ZCCHC24: variants seen among roughly 807,000 people sequenced by gnomAD.
ZCCHC24 encodes zinc finger CCHC domain-containing protein 24.
Under a neutral mutation model 26.2 loss-of-function variants are expected in ZCCHC24, and 10 were observed. The ratio of observed to expected loss-of-function variants is 0.38; its 90% CI spans 0.24 to 0.65. ZCCHC24 has a LOEUF of 0.65. ZCCHC24 is among the 30% of genes least tolerant of loss of function. The pLI, the probability that ZCCHC24 is intolerant of heterozygous loss-of-function variation, is 0.54. For missense variants in ZCCHC24, 243 were observed against 329.1 expected (o/e 0.74, Z 2.03); for synonymous variants, 144 against 147.1 (o/e 0.98, Z 0.15).
At chr10:79,389,362 G>A (rs990996581) in intron 3 of ZCCHC24, among the ~76,000 whole-genome samples, 1 of 152,156 alleles carries the variant, frequency 6.6e-6, no homozygotes, top group African/African-American at 2.4e-5. Flanking sequence ...CTTCTGCAAC[G>A]TCTCCATATG....
At chr10:79,403,623 GGCCTCCTTGTCTGCGCACAGCCGTCCTC>G in intron 2 of ZCCHC24, 2 of 984,184 alleles carry the variant, frequency 2.0e-6, no homozygotes, top group Non-Finnish European at 2.4e-6. Context: ...GAGCCTCAAG[GGCCTCCTTGTCTGCGCACAGCCGTCCTC>G]GCCTCCTTGC....
intron 2 of ZCCHC24, among the ~76,000 whole-genome samples, chr10:79,400,949 C>T (rs1856621059): frequency 1.3e-5 from 2 of 152,250 alleles, no homozygotes; most frequent in Admixed American, 1.3e-4. Context: ...TGCTTGAAGT[C>T]CCACCACGAG....
At chr10:79,434,584 C>A (rs779028087) in intron 1 of ZCCHC24, among the ~76,000 whole-genome samples, 1 of 152,196 alleles carries the variant, frequency 6.6e-6, no homozygotes, top group Non-Finnish European at 1.5e-5. Context: ...GAGTCACTAT[C>A]CCATTTTACA....
intron 1 of ZCCHC24, among the ~76,000 whole-genome samples, chr10:79,440,239 G>A (rs186302816): frequency 2.6e-5 from 4 of 152,274 alleles, no homozygotes; most frequent in East Asian, 1.9e-4. Flanking sequence ...CAGACAATGC[G>A]GATGCTGCAC....
At chr10:79,390,449 G>A (rs1175845242) in intron 3 of ZCCHC24, among the ~76,000 whole-genome samples, 1 of 152,188 alleles carries the variant, frequency 6.6e-6, no homozygotes, top group Non-Finnish European at 1.5e-5. Flanking sequence ...GGCAGCATGG[G>A]GGCAGGGGAA....
intron 2 of ZCCHC24, among the ~76,000 whole-genome samples, chr10:79,407,125 GAC>G (rs1201718558): frequency 4.6e-5 from 7 of 152,330 alleles, no homozygotes; most frequent in Non-Finnish European, 1.0e-4. Flanking sequence ...AGGCAAGCTG[GAC>G]ACACGCCCCG....
intron 2 of ZCCHC24, among the ~76,000 whole-genome samples, chr10:79,405,019 G>T (rs1856691044): frequency 6.6e-6 from 1 of 152,192 alleles, no homozygotes. Flanking sequence ...CACTGCTCAG[G>T]AGCTCACTCC....
At chr10:79,401,573 G>A (rs1290312207) in intron 2 of ZCCHC24, among the ~76,000 whole-genome samples, 1 of 152,220 alleles carries the variant, frequency 6.6e-6, no homozygotes, top group African/African-American at 2.4e-5. Context: ...AGCCGGGATG[G>A]TGAGAAACGG....
chr10:79,403,263 G>A (rs570946854), intron 2 of ZCCHC24, among the ~76,000 whole-genome samples: 36 of 152,352 alleles, frequency 2.4e-4, no homozygotes, highest in African/African-American at 7.7e-4. Context: ...TCACTGCCAC[G>A]GCCTCATTGA....
At chr10:79,432,437 CG>C in intron 2 of ZCCHC24, 120 bp downstream of exon 2, 2 of 1,042,836 alleles carry the variant, frequency 1.9e-6, no homozygotes, top group Non-Finnish European at 2.7e-6. Context: ...CAGAGGACCA[CG>C]GGGCCACTCA....
intron 2 of ZCCHC24, among the ~76,000 whole-genome samples, chr10:79,429,863 C>A (rs1035291511): frequency 2.6e-5 from 4 of 152,128 alleles, no homozygotes; most frequent in Non-Finnish European, 5.9e-5. Context: ...CCCTGTCAAC[C>A]CGTTCCTCCC....
chr10:79,439,780 G>C (rs1857265377), intron 1 of ZCCHC24, among the ~76,000 whole-genome samples: 1 of 138,358 alleles, frequency 7.2e-6, no homozygotes, highest in Non-Finnish European at 1.5e-5. Flanking sequence ...AGGTGACAGA[G>C]CCAGACTCCA....
chr10:79,415,007 T>C (rs570719063), intron 2 of ZCCHC24, among the ~76,000 whole-genome samples: 8 of 152,288 alleles, frequency 5.3e-5, no homozygotes, highest in Non-Finnish European at 8.8e-5. Flanking sequence ...CCTGGACCCC[T>C]TGGGTCCAGG....
chr10:79,382,765 G>A lies in ZCCHC24; in HGVS notation c.*3580C>T, dbSNP rs530242788. ...CAAGTCTATTAGATGCTGGAGGGCT[G>A]GTGTAAGGGCTCCGGTTGACATTTC... On this transcript the variant is annotated 3_prime_UTR_variant, in exon 4 of 4. Coordinates refer to ENST00000372336, the MANE Select transcript of ZCCHC24 (RefSeq NM_153367.4). 1 of 152,946 alleles carries A rather than the reference G, an allele frequency of 6.5e-6. No individual in the cohort carries two copies. The highest frequency in any genetic ancestry group is 1.5e-5 in the Non-Finnish European group (1 of 68,060). 9.5% of individuals were successfully genotyped at this position (152,946 alleles called of 1,614,324 possible).
chr10:79,388,708 C>T (rs958964103), intron 3 of ZCCHC24, among the ~76,000 whole-genome samples: 3 of 152,192 alleles, frequency 2.0e-5, no homozygotes, highest in African/African-American at 7.2e-5. Flanking sequence ...CCCACACAAC[C>T]CTCACTCCCC....
chr10:79,416,951 G>A (rs10824755), intron 2 of ZCCHC24, among the ~76,000 whole-genome samples: 43,574 of 152,056 alleles, frequency 0.29, 6,785 homozygotes, highest in South Asian at 0.42. Flanking sequence ...CCCTTATGAC[G>A]GGGCCCTGCT....
At chr10:79,437,786 C>A (rs1401097260) in intron 1 of ZCCHC24, among the ~76,000 whole-genome samples, 2 of 152,218 alleles carry the variant, frequency 1.3e-5, no homozygotes, top group East Asian at 3.8e-4. Context: ...CCAAGGCTGA[C>A]TCCAGTTCTC....
chr10:79,436,886 C>T (rs1857223914), intron 1 of ZCCHC24, among the ~76,000 whole-genome samples: 3 of 152,214 alleles, frequency 2.0e-5, no homozygotes, highest in Admixed American at 2.0e-4. Flanking sequence ...GGCCACCTCT[C>T]TTTCCTCCCT....
intron 3 of ZCCHC24, among the ~76,000 whole-genome samples, chr10:79,389,399 C>A (rs144252987): frequency 8.8e-4 from 134 of 152,296 alleles, no homozygotes; most frequent in African/African-American, 3.1e-3. Context: ...GTCAGATAGA[C>A]AGAGCTTTGC....
Sources: gnomAD v4.1 joint callset for allele counts (sites outside exome capture counted in the v4.1 genomes callset) on GRCh38, gnomAD v4.1.1 for gene constraint, MANE v1.5 for transcripts, NCBI Gene and HGNC (gene_info 2026-07-23, HGNC 2026-07-21) for gene names.